Variants in PLEKHA7 observed in about 807,000 individuals in gnomAD.
The protein encoded by PLEKHA7 is pleckstrin homology domain containing A7.
In PLEKHA7, 104 loss-of-function variants were observed where a neutral mutation model predicts 170.0. That is an observed-to-expected ratio of 0.61 (90% CI 0.52 to 0.72). The LOEUF (loss-of-function observed/expected upper bound fraction) is 0.72. Among genes scored for constraint, PLEKHA7 ranks in the 30% least tolerant of loss-of-function variants. PLEKHA7 has a pLI of 0.00. For synonymous variants in PLEKHA7, 648 were observed against 660.8 expected, an observed-to-expected ratio of 0.98 and a Z score of 0.30; for missense variants, 1,615 against 1,671.7, an observed-to-expected ratio of 0.97 and a Z score of 0.59.
chr11:17,000,719 G>T (rs568926324), intron 3 of PLEKHA7, among the ~76,000 whole-genome samples: 54 of 152,326 alleles, frequency 3.5e-4, no homozygotes, highest in African/African-American at 1.3e-3. Flanking sequence ...GATAGGTACA[G>T]TCATTGTCCC....
intron 3 of PLEKHA7, among the ~76,000 whole-genome samples, chr11:16,975,973 G>A (rs1406338010): frequency 2.0e-5 from 3 of 152,230 alleles, no homozygotes; most frequent in Non-Finnish European, 4.4e-5. Context: ...ATAGCTGCTT[G>A]TGGGCTAGCC....
At chr11:16,831,954 C>G (rs1183365450) in intron 9 of PLEKHA7, among the ~76,000 whole-genome samples, 1 of 152,198 alleles carries the variant, frequency 6.6e-6, no homozygotes, top group African/African-American at 2.4e-5. Context: ...TCCCTTGTAG[C>G]TGAGGATGAT....
chr11:16,920,893 T>C (rs1306303233), intron 3 of PLEKHA7, among the ~76,000 whole-genome samples: 1 of 152,266 alleles, frequency 6.6e-6, no homozygotes, highest in Non-Finnish European at 1.5e-5. Flanking sequence ...CCTGTATTGC[T>C]TTATTGGTGT....
At chr11:16,807,277 A>G (rs1358767313) in intron 13 of PLEKHA7, 34 of 820,920 alleles carry the variant, frequency 4.1e-5, no homozygotes, top group Non-Finnish European at 5.0e-5. Flanking sequence ...GAGACATCAA[A>G]TGACACTTGA....
At chr11:17,007,472 G>A (rs572925407) in intron 3 of PLEKHA7, among the ~76,000 whole-genome samples, 4 of 151,202 alleles carry the variant, frequency 2.6e-5, no homozygotes, top group African/African-American at 7.3e-5. Context: ...ACAGGCACTC[G>A]CCACCATGCC....
intron 3 of PLEKHA7, among the ~76,000 whole-genome samples, chr11:16,963,136 G>A (rs1862168498): frequency 1.3e-5 from 2 of 152,208 alleles, no homozygotes. Flanking sequence ...TCCTCCTAGA[G>A]GAGGGCCATG....
rs144390505 is a variant in PLEKHA7 at position 16,939,705 on chromosome 11, C to T, written c.222-68523G>A. Among the ~76,000 whole-genome samples the T allele has an allele frequency of 7.8e-3, 1,186 of 152,078 alleles. 17 individuals are homozygous for T. The highest frequency in any genetic ancestry group is 0.027 in the African/African-American group (1,120 of 41,504). ...ATCATTCAGGGCCACTGATTTTTTTCGTGTTTTCTCTCCTCATGTTCCCCA... is the reference window on the plus strand; with the variant it reads ...ATCATTCAGGGCCACTGATTTTTTTTGTGTTTTCTCTCCTCATGTTCCCCA... On this transcript the variant is annotated intron_variant, in intron 3 of 26. Coordinates refer to ENST00000531066, the MANE Select transcript of PLEKHA7 (RefSeq NM_001329630.2).
intron 3 of PLEKHA7, among the ~76,000 whole-genome samples, chr11:16,902,384 G>A (rs1857396423): frequency 6.6e-6 from 1 of 152,286 alleles, no homozygotes; most frequent in Non-Finnish European, 1.5e-5. Flanking sequence ...GACTCATATG[G>A]TAACTTTACG....
At chr11:16,784,565 C>T (rs1028583858) in intron 24 of PLEKHA7, among the ~76,000 whole-genome samples, 1 of 152,186 alleles carries the variant, frequency 6.6e-6, no homozygotes, top group Non-Finnish European at 1.5e-5. Context: ...CTCCCGTGGA[C>T]CTAGTGGCAA....
At chr11:16,849,134 G>C (rs554712258) in intron 8 of PLEKHA7, among the ~76,000 whole-genome samples, 2 of 152,204 alleles carry the variant, frequency 1.3e-5, no homozygotes, top group East Asian at 3.9e-4. Context: ...CCAAACACAC[G>C]ATGCCTTCTG....
chr11:16,868,657 G>T (rs1018146113), intron 4 of PLEKHA7, among the ~76,000 whole-genome samples: 1 of 152,160 alleles, frequency 6.6e-6, no homozygotes, highest in Admixed American at 6.5e-5. Context: ...TCTGCCTGTT[G>T]CAAGGAATGT....
chr11:16,931,231 G>A (rs970324731), intron 3 of PLEKHA7, among the ~76,000 whole-genome samples: 1 of 151,900 alleles, frequency 6.6e-6, no homozygotes, highest in Non-Finnish European at 1.5e-5. Flanking sequence ...TTTCAGGGGC[G>A]CACCACCAGA....
chr11:16,921,918 C>T (rs188404739), intron 3 of PLEKHA7, among the ~76,000 whole-genome samples: 1 of 152,332 alleles, frequency 6.6e-6, no homozygotes, highest in East Asian at 1.9e-4. Flanking sequence ...GACAGGTATC[C>T]AGTTGCTCTT....
chr11:16,960,637 T>A (rs780545955), intron 3 of PLEKHA7, among the ~76,000 whole-genome samples: 1 of 152,134 alleles, frequency 6.6e-6, no homozygotes, highest in Non-Finnish European at 1.5e-5. Flanking sequence ...AACAGGTGAC[T>A]GCAGGGCAAA....
chr11:16,825,398 C>T (rs1177377223), intron 10 of PLEKHA7, among the ~76,000 whole-genome samples: 1 of 152,238 alleles, frequency 6.6e-6, no homozygotes, highest in Non-Finnish European at 1.5e-5. Context: ...GCTTTGCTAT[C>T]TCCTCTTTTG....
At position 16,803,369 on chromosome 11, in the gene PLEKHA7, T is replaced by C. The variant is rs1848733026; in HGVS notation, c.2008-74A>G. 3 of 1,452,988 alleles carry C rather than the reference T, an allele frequency of 2.1e-6. No individual in the cohort carries two copies. In the East Asian group the frequency reaches 6.8e-5, roughly 33 times the overall value. The allele number at this position is 1,452,988 out of a possible 1,614,324, so 90.0% of individuals were successfully genotyped here. On this transcript the variant is annotated intron_variant, in intron 13 of 26. Coordinates refer to ENST00000531066, the MANE Select transcript of PLEKHA7 (RefSeq NM_001329630.2). ...AGAACTCAGGAAAGAAAATTCATCC[T>C]ATAATGGATGGTGTGGAAGTCCTTG... is the stretch of plus-strand genomic sequence containing the variant.
At position 16,826,153 on chromosome 11, in the gene PLEKHA7, T is replaced by G. The variant is rs777306161; in HGVS notation, c.1310A>C (p.His437Pro). The change falls in exon 10 of 27, where the codon CAC (histidine) becomes CCC (proline). Residue 437 changes from histidine (H) to proline (P), a missense_variant. Physicochemically the swap from His to Pro is moderately conservative, Grantham distance 77. Coordinates refer to ENST00000531066, the MANE Select transcript of PLEKHA7 (RefSeq NM_001329630.2). ...QRKSNLAQVE[H>P]WARAQKGDSR... is the part of the protein sequence containing the mutation. ...ATCCCCTTTCTGGGCCCTTGCCCAGTGCTCCACCTGGGCCAGATTGCTCTT... is the reference window on the plus strand; with the variant it reads ...ATCCCCTTTCTGGGCCCTTGCCCAGGGCTCCACCTGGGCCAGATTGCTCTT... The G allele has an allele frequency of 1.2e-6, 2 of 1,614,236 alleles. No individual in the cohort carries two copies. Among genetic ancestry groups the G allele is most frequent in the South Asian group, 2.2e-5 (2 of 91,088 alleles).
intron 3 of PLEKHA7, among the ~76,000 whole-genome samples, chr11:16,934,956 T>C (rs1162352418): frequency 6.6e-6 from 1 of 152,232 alleles, no homozygotes. Context: ...GCCTAAACAA[T>C]AATTTCTGGG....
Position 16,841,735 on chromosome 11 carries a change from G to A in PLEKHA7, c.697-13C>T, listed in dbSNP as rs759992659. The A allele has an allele frequency of 6.2e-7, 1 of 1,612,038 alleles. No homozygotes were observed. The highest frequency in any genetic ancestry group is 8.5e-7 in the Non-Finnish European group (1 of 1,178,906). Reference sequence around the variant, plus strand: ...CCGTGTGCACAGCCTGTAGCATGAAGGCAGAATGCAGGTCAGAGGGAGGTT... The same window carrying A: ...CCGTGTGCACAGCCTGTAGCATGAAAGCAGAATGCAGGTCAGAGGGAGGTT... On this transcript the variant is annotated splice_polypyrimidine_tract_variant and intron_variant, in intron 8 of 26. Transcript: ENST00000531066.
Sources: gnomAD v4.1 joint callset for allele counts (sites outside exome capture counted in the v4.1 genomes callset) on GRCh38, gnomAD v4.1.1 for gene constraint, MANE v1.5 for transcripts, NCBI Gene and HGNC (gene_info 2026-07-23, HGNC 2026-07-21) for gene names.